Variants in FXR2 observed in about 807,000 individuals in gnomAD.
FXR2 encodes the protein FMR1 autosomal homolog 2.
A neutral mutation model predicts 87.3 loss-of-function variants in FXR2; 9 were observed. The ratio of observed to expected loss-of-function variants is 0.10; its 90% CI spans 0.06 to 0.18. The LOEUF (loss-of-function observed/expected upper bound fraction) is 0.18. Among genes scored for constraint, FXR2 ranks in the 10% least tolerant of loss-of-function variants. The probability of loss-of-function intolerance (pLI) is 1.00; values close to 1 mark genes in which losing one functional copy is unlikely to be tolerated. For missense variants in FXR2, 661 were observed against 893.6 expected (o/e 0.74, Z 3.32); for synonymous variants, 331 against 328.3 (o/e 1.01, Z -0.09).
At position 7,595,910 on chromosome 17, in the gene FXR2, C is replaced by T. The variant is rs1215174637; in HGVS notation, c.745G>A (p.Ala249Thr). 1 of 1,613,580 alleles carries T rather than the reference C, an allele frequency of 6.2e-7. No homozygotes were observed. Among genetic ancestry groups the T allele is most frequent in the Non-Finnish European group, 8.5e-7 (1 of 1,179,604 alleles). The change falls in exon 8 of 17, where the codon GCC becomes ACC. Residue 249 changes from alanine to threonine, a missense_variant. This residue lies in a region of FXR2 where 82 missense variants were observed against 214.4 expected (regional missense o/e 0.38). Transcript: ENST00000250113. The surrounding 1 kb of genome is among the most constrained non-coding windows in gnomAD (Gnocchi z 4.7). ...ACTTTTCGGGCCTGCTGGATGTTGGCACCGTGAGTCCCAATTGCCAGTCCC... is the reference window on the plus strand; with the variant it reads ...ACTTTTCGGGCCTGCTGGATGTTGGTACCGTGAGTCCCAATTGCCAGTCCC... ...LMGLAIGTHGANIQQARKVPG... is the reference protein window; with the variant it reads ...LMGLAIGTHGTNIQQARKVPG...
In FXR2 at chr17:7,592,422, C is replaced by T; in HGVS notation, c.1826-68G>A. 1 of 1,545,572 alleles carries T rather than the reference C, an allele frequency of 6.5e-7. No individual in the cohort carries two copies. The highest frequency in any genetic ancestry group is 1.4e-5 in the African/African-American group (1 of 73,582). On this transcript the variant is annotated intron_variant, in intron 15 of 16. Transcript: ENST00000250113. This position sits in a 1 kb window ranked among gnomAD's most constrained non-coding sequence, Gnocchi z 4.8. ...TAGCCAGCCTAAGACACCCACTGAA[C>T]CCGAACCCCTGATTTTCACAGGGGT...
At chr17:7,597,606 ACCATGCTGG>A (rs767802688) in intron 7 of FXR2, among the ~76,000 whole-genome samples, 63 of 151,744 alleles carry the variant, frequency 4.2e-4, no homozygotes, top group Non-Finnish European at 6.8e-4. Flanking sequence ...AAGGGGTTTC[ACCATGCTGG>A]CCAGACTGGT....
Position 7,604,033 on chromosome 17 carries a change from G to A in FXR2, c.276C>T (p.Ala92=), listed in dbSNP as rs1389489782. The change falls in exon 4 of 17, where the codon GCC becomes GCT. Residue 92 remains alanine (A), a synonymous_variant. Transcript: ENST00000250113. ...NEQEPCGWWL[A]RVRMMKGDFY... ...CATCTCCCTTCATCATCCGCACCCG[G>A]GCCAGCCACCAGCCACAAGGTTCCT... 6.3e-7 allele frequency: 1 copy of A among 1,590,606 alleles called. No individual in the cohort carries two copies. The highest frequency in any genetic ancestry group is 8.6e-7 in the Non-Finnish European group (1 of 1,169,470).
In FXR2 at chr17:7,593,692, C is replaced by T; in HGVS notation, c.1108-67G>A. ...ATCAGTGCCTTGCTTCATGCTTCTG[C>T]ACCCTGACTGTCCCTCTATATCTAA... On this transcript the variant is annotated intron_variant, in intron 11 of 16. Coordinates refer to ENST00000250113, the MANE Select transcript of FXR2 (RefSeq NM_004860.4). This position sits in a 1 kb window ranked among gnomAD's most constrained non-coding sequence, Gnocchi z 6.1. 1 of 1,091,760 alleles carries T rather than the reference C, an allele frequency of 9.2e-7. No homozygotes were observed. Among genetic ancestry groups the T allele is most frequent in the Non-Finnish European group, 1.4e-6 (1 of 737,134 alleles). 67.6% of individuals were successfully genotyped at this position (1,091,760 alleles called of 1,614,324 possible). A position where few individuals can be genotyped will look rare whatever the true frequency, so the allele number is the denominator to read the frequency against.
In FXR2 at chr17:7,594,268, A is replaced by G. The variant is rs956634006; in HGVS notation, c.990T>C (p.Gly330=). The G allele has an allele frequency of 1.2e-6, 2 of 1,609,642 alleles. No individual in the cohort carries two copies. Among genetic ancestry groups the G allele is most frequent in the Non-Finnish European group, 1.7e-6 (2 of 1,176,496 alleles). ...CCCTGGGGTTCTTCTTGTCATTATC[A>G]CCTTCCACTCGAACCCTCACCACAC... The part of the protein sequence containing the change: ...KSGVVRVRVE[G]DNDKKNPREE... The change falls in exon 10 of 17, where the codon GGT becomes GGC. Residue 330 remains glycine, a synonymous_variant. Coordinates refer to ENST00000250113, the MANE Select transcript of FXR2 (RefSeq NM_004860.4). This position sits in a 1 kb window ranked among gnomAD's most constrained non-coding sequence, Gnocchi z 5.1.
Position 7,604,286 on chromosome 17 carries a change from T to A in FXR2, c.229-206A>T, listed in dbSNP as rs184804153. The stretch of plus-strand genomic sequence containing the variant: ...CAACCATTAAGATATTTGGGGCTGC[T>A]GGGCACAGTGGCTCAAGCTTATAAT... On this transcript the variant is annotated intron_variant, in intron 3 of 16. Transcript: ENST00000250113. Among the ~76,000 whole-genome samples the A allele has an allele frequency of 3.3e-5, 5 of 152,048 alleles. No homozygotes were observed. In the East Asian group the frequency reaches 9.7e-4, roughly 29 times the overall value.
In FXR2 at chr17:7,614,223, T is replaced by C. The variant is rs529609974; in HGVS notation, c.81+229A>G. ...GACAATAATGGCCTGAAGTTCATTC[T>C]CCCGGAGATGGGGGTAGAAGCAGGT... On this transcript the variant is annotated intron_variant, in intron 1 of 16. Transcript: ENST00000250113. 3.5e-5 allele frequency: 24 copies of C among 685,330 alleles called. 1 individual carries two copies. The highest frequency in any genetic ancestry group is 2.6e-4 in the African/African-American group (15 of 56,812). The allele number at this position is 685,330 out of a possible 1,614,324, so 42.5% of individuals were successfully genotyped here.
At chr17:7,602,303 C>T (rs576269426) in intron 6 of FXR2, among the ~76,000 whole-genome samples, 4 of 152,162 alleles carry the variant, frequency 2.6e-5, no homozygotes, top group South Asian at 4.1e-4. Flanking sequence ...CGGTGGCTCA[C>T]GTCTGTAATC....
chr17:7,598,121 C>A (rs1417034136), intron 7 of FXR2, among the ~76,000 whole-genome samples: 2 of 152,120 alleles, frequency 1.3e-5, no homozygotes, highest in African/African-American at 4.8e-5. Flanking sequence ...TTCTTGCCCC[C>A]CTTTCCATCT....
At chr17:7,601,548 G>A in intron 6 of FXR2, 23 bp from the exon 7 acceptor site, 1 of 1,415,490 alleles carries the variant, frequency 7.1e-7, no homozygotes. Context: ...CAGTGGGAAA[G>A]TCATTAAAAC....
chr17:7,613,107 T>C (rs1177103822), intron 1 of FXR2, among the ~76,000 whole-genome samples: 3 of 147,946 alleles, frequency 2.0e-5, no homozygotes, highest in Non-Finnish European at 3.0e-5. Flanking sequence ...TAGAAAAATA[T>C]GACTTAGAGA....
chr17:7,597,098 CA>C (rs1277099639), intron 7 of FXR2, among the ~76,000 whole-genome samples: 5 of 150,846 alleles, frequency 3.3e-5, no homozygotes, highest in African/African-American at 9.7e-5. Flanking sequence ...AACTCTGTCT[CA>C]AAAAAAAGTG....
In FXR2 at chr17:7,594,888, A is replaced by C. The variant is rs912448926; in HGVS notation, c.832-131T>G. The C allele has an allele frequency of 1.2e-5, 8 of 660,046 alleles. No homozygotes were observed. The East Asian group carries it at 2.1e-4, about 17-fold the overall frequency. The allele number at this position is 660,046 out of a possible 1,614,324, so 40.9% of individuals were successfully genotyped here. A position where few individuals can be genotyped will look rare whatever the true frequency, so the allele number is the denominator to read the frequency against. On this transcript the variant is annotated intron_variant, in intron 8 of 16. Coordinates refer to ENST00000250113, the MANE Select transcript of FXR2 (RefSeq NM_004860.4). The surrounding 1 kb of genome is among the most constrained non-coding windows in gnomAD (Gnocchi z 5.1). Reference sequence around the variant, plus strand: ...AAATTGAGCTCAAGAGTTCAAGACTAGCCTGGGCAATATGGTGAAACGCCA... The same window carrying C: ...AAATTGAGCTCAAGAGTTCAAGACTCGCCTGGGCAATATGGTGAAACGCCA...
intron 7 of FXR2, among the ~76,000 whole-genome samples, chr17:7,598,323 C>T (rs909265441): frequency 7.9e-5 from 12 of 152,102 alleles, no homozygotes; most frequent in Non-Finnish European, 1.3e-4. Context: ...GGCGTGGTGG[C>T]AGGCGCCTGT....
chr17:7,614,692 G>A lies in FXR2; in HGVS notation c.-160C>T. 3.0e-6 allele frequency: 1 copy of A among 333,282 alleles called. No individual in the cohort carries two copies. Among genetic ancestry groups the A allele is most frequent in the Non-Finnish European group, 5.3e-6 (1 of 187,440 alleles). 20.6% of individuals were successfully genotyped at this position (333,282 alleles called of 1,614,324 possible). On this transcript the variant is annotated 5_prime_UTR_variant, in exon 1 of 17. Transcript: ENST00000250113. ...CCACGGCGGCCCTGCCACAGCCAAC[G>A]AGCAGGGGGCCGGGGCCGGGCCGCT...
chr17:7,593,172 G>A lies in FXR2; in HGVS notation c.1340C>T (p.Ser447Leu). 2.1e-5 allele frequency: 32 copies of A among 1,522,094 alleles called. No homozygotes were observed. The highest frequency in any genetic ancestry group is 2.8e-5 in the Non-Finnish European group (32 of 1,136,648). The allele number at this position is 1,522,094 out of a possible 1,614,324, so 94.3% of individuals were successfully genotyped here. A position where few individuals can be genotyped will look rare whatever the true frequency, so the allele number is the denominator to read the frequency against. ...RTGGPAYGPSSDVSTASETES... is the reference protein window; with the variant it reads ...RTGGPAYGPSLDVSTASETES... The stretch of plus-strand genomic sequence containing the variant: ...AGTCTCTGAAGCTGTAGACACATCT[G>A]AGCTGGGGCCTGAAGAACACAATGG... The change falls in exon 13 of 17, where the codon TCA (serine) becomes TTA (leucine). Residue 447 changes from serine to leucine, a missense_variant. Transcript: ENST00000250113. This position sits in a 1 kb window ranked among gnomAD's most constrained non-coding sequence, Gnocchi z 6.1.
rs947735147 is a variant in FXR2 at position 7,595,005 on chromosome 17, C to T, written c.832-248G>A. On this transcript the variant is annotated intron_variant, in intron 8 of 16. Coordinates refer to ENST00000250113, the MANE Select transcript of FXR2 (RefSeq NM_004860.4). The surrounding 1 kb of genome is among the most constrained non-coding windows in gnomAD (Gnocchi z 4.7). ...CTCACGTCTCTAATCCCAGCTACTC[C>T]GGAGGCTGAGGCAGGAGATTTCTTG... is the stretch of plus-strand genomic sequence containing the variant. Among the ~76,000 whole-genome samples, 11 of 152,002 alleles carry T rather than the reference C, an allele frequency of 7.2e-5. No homozygotes were observed. The highest frequency in any genetic ancestry group is 2.1e-4 in the South Asian group (1 of 4,808).
At chr17:7,612,859 G>T (rs150836621) in intron 1 of FXR2, among the ~76,000 whole-genome samples, 17,205 of 151,796 alleles carry the variant, frequency 0.11, 1,279 homozygotes, top group Middle Eastern at 0.27. Context: ...AGCCGGGCAT[G>T]GTGGTGGGCA....
At chr17:7,600,848 C>T (rs774974682) in intron 7 of FXR2, among the ~76,000 whole-genome samples, 6 of 151,702 alleles carry the variant, frequency 4.0e-5, no homozygotes, top group Non-Finnish European at 7.4e-5. Flanking sequence ...TATACCATTA[C>T]ACTACAGCCT....
Sources: gnomAD v4.1 joint callset for allele counts (sites outside exome capture counted in the v4.1 genomes callset) on GRCh38, gnomAD v4.1.1 for gene constraint, gnomAD v4.1.1 regional missense constraint, Gnocchi (gnomAD v3.1) non-coding constraint, MANE v1.5 for transcripts, NCBI Gene and HGNC (gene_info 2026-07-23, HGNC 2026-07-21) for gene names.